Variants in CTNNA1 observed in about 807,000 individuals in gnomAD.
CTNNA1 encodes the protein catenin alpha 1.
In CTNNA1, 37 loss-of-function variants were observed where a neutral mutation model predicts 98.4. The ratio of observed to expected loss-of-function variants is 0.38; its 90% CI spans 0.29 to 0.49. The LOEUF is 0.49. Among genes scored for constraint, CTNNA1 ranks in the 20% least tolerant of loss-of-function variants. The pLI is 0.95. For synonymous variants in CTNNA1, 404 were observed against 413.2 expected (o/e 0.98, Z 0.27); for missense variants, 761 against 1,147.2 (o/e 0.66, Z 4.86).
chr5:138,918,872 C>CT (rs1762344671), intron 11 of CTNNA1, among the ~76,000 whole-genome samples: 1 of 152,144 alleles, frequency 6.6e-6, no homozygotes, highest in African/African-American at 2.4e-5. Context: ...TAGAACGTGG[C>CT]AGTAGGGCTT....
intron 3 of CTNNA1, among the ~76,000 whole-genome samples, chr5:138,794,995 C>G (rs146426797): frequency 1.8e-3 from 266 of 148,900 alleles, no homozygotes; most frequent in African/African-American, 6.4e-3. Context: ...ACTGAAAATA[C>G]AAAAATTAGC....
chr5:138,870,855 G>A (rs971430324), intron 7 of CTNNA1: 24 of 152,196 alleles, frequency 1.6e-4, no homozygotes, highest in Admixed American at 4.6e-4. Flanking sequence ...GAAGTAGGGC[G>A]CTGTGCTCTA....
At chr5:138,856,845 A>G (rs543758312) in intron 7 of CTNNA1, among the ~76,000 whole-genome samples, 25 of 152,258 alleles carry the variant, frequency 1.6e-4, no homozygotes, top group Admixed American at 3.9e-4. Context: ...TTGAGATTTG[A>G]AAAGAAAGTT....
intron 7 of CTNNA1, among the ~76,000 whole-genome samples, chr5:138,882,115 A>G (rs189226260): frequency 2.9e-3 from 438 of 152,352 alleles, no homozygotes; most frequent in African/African-American, 0.01. Flanking sequence ...ACAAGTCAAC[A>G]GGTAGTTATC....
chr5:138,839,555 A>C (rs1762096241), intron 7 of CTNNA1, among the ~76,000 whole-genome samples: 1 of 152,102 alleles, frequency 6.6e-6, no homozygotes, highest in African/African-American at 2.4e-5. Flanking sequence ...TAGTTGGTTG[A>C]TGGCATTGTT....
rs779732337 is a variant in CTNNA1, at chr5:138,873,225, T to G, written c.1063-12987T>G. 1.2e-6 allele frequency: 2 copies of G among 1,613,906 alleles called. No individual in the cohort carries two copies. Among genetic ancestry groups the G allele is most frequent in the Non-Finnish European group, 1.7e-6 (2 of 1,179,830 alleles). Reference sequence around the variant, plus strand: ...CTTCTTAAAGTGGGAGGGCAGCACTTCCTGGAGATGAACACTATAAAAATA... The same window carrying G: ...CTTCTTAAAGTGGGAGGGCAGCACTGCCTGGAGATGAACACTATAAAAATA... On this transcript the variant is annotated intron_variant, in intron 7 of 17. Transcript: ENST00000302763. The surrounding 1 kb of genome is among the most constrained non-coding windows in gnomAD (Gnocchi z 6.1).
At chr5:138,848,992 G>T (rs1174902873) in intron 7 of CTNNA1, among the ~76,000 whole-genome samples, 1 of 152,106 alleles carries the variant, frequency 6.6e-6, no homozygotes, top group African/African-American at 2.4e-5. Flanking sequence ...AAATTGCTGG[G>T]ATTACAGGCG....
chr5:138,875,314 T>C, intron 7 of CTNNA1: 2 of 877,106 alleles, frequency 2.3e-6, no homozygotes, highest in Non-Finnish European at 1.4e-6. Flanking sequence ...TGAAAAGCTT[T>C]TCCGAGAAAC....
chr5:138,794,670 T>G (rs950616397), intron 3 of CTNNA1, among the ~76,000 whole-genome samples: 1 of 152,214 alleles, frequency 6.6e-6, no homozygotes, highest in Non-Finnish European at 1.5e-5. Context: ...TATTGACAAG[T>G]GTGGAAAACA....
chr5:138,834,750 G>A (rs2149801684), intron 7 of CTNNA1, among the ~76,000 whole-genome samples: 1 of 152,218 alleles, frequency 6.6e-6, no homozygotes, highest in South Asian at 2.1e-4. Context: ...ATAGATCCAG[G>A]TCTGGGATAG....
intron 7 of CTNNA1, among the ~76,000 whole-genome samples, chr5:138,865,918 C>G (rs1318430408): frequency 6.6e-6 from 1 of 152,138 alleles, no homozygotes; most frequent in Admixed American, 6.6e-5. Flanking sequence ...AGCAGTTGCC[C>G]TCCATGTATT....
intron 3 of CTNNA1, among the ~76,000 whole-genome samples, chr5:138,790,166 A>G (rs1756196492): frequency 6.6e-6 from 1 of 152,220 alleles, no homozygotes; most frequent in South Asian, 2.1e-4. Context: ...GACTGCTATA[A>G]CAGAATTGAT....
intron 3 of CTNNA1, among the ~76,000 whole-genome samples, chr5:138,791,719 A>G (rs1182192815): frequency 6.7e-6 from 1 of 148,246 alleles, no homozygotes; most frequent in East Asian, 2.0e-4. Flanking sequence ...TGAGTTTGCA[A>G]GCATCTGGGT....
At chr5:138,895,050 C>T (rs1395543220) in intron 9 of CTNNA1, among the ~76,000 whole-genome samples, 3 of 152,120 alleles carry the variant, frequency 2.0e-5, no homozygotes, top group Non-Finnish European at 4.4e-5. Context: ...TCTTATTTGT[C>T]TGGCCCCCAC....
At chr5:138,784,170 C>G (rs566935256) in intron 3 of CTNNA1, among the ~76,000 whole-genome samples, 1 of 152,318 alleles carries the variant, frequency 6.6e-6, no homozygotes, top group African/African-American at 2.4e-5. Flanking sequence ...TGCCAGAGTG[C>G]TGGGATTGCA....
intron 4 of CTNNA1, chr5:138,811,888 C>G: frequency 3.7e-6 from 1 of 268,646 alleles, no homozygotes; most frequent in Non-Finnish European, 7.2e-6. Flanking sequence ...AGCTTCAGCT[C>G]GGCATCAGAG....
intron 16 of CTNNA1, chr5:138,931,766 C>T (rs1253100198): frequency 6.6e-5 from 65 of 985,448 alleles, no homozygotes; most frequent in Non-Finnish European, 7.7e-5. Flanking sequence ...TGGCTCTGCC[C>T]TGCTTCCATG....
In CTNNA1 at chr5:138,816,197, A is replaced by T. The variant is rs185417894; in HGVS notation, c.588+3895A>T. ...ACCATAGTGTTTTCTGAGGTCATCC[A>T]TGTTTCCATGAATGACAGAATTTTG... On this transcript the variant is annotated intron_variant, in intron 5 of 17. Coordinates refer to ENST00000302763, the MANE Select transcript of CTNNA1 (RefSeq NM_001903.5). 1.1e-4 allele frequency among the ~76,000 whole-genome samples: 16 copies of T among 152,316 alleles called. 1 individual carries two copies. The East Asian group carries it at 2.3e-3, about 22-fold the overall frequency.
At chr5:138,894,199 G>A (rs1212595164) in intron 9 of CTNNA1, among the ~76,000 whole-genome samples, 1 of 151,924 alleles carries the variant, frequency 6.6e-6, no homozygotes, top group Non-Finnish European at 1.5e-5. Context: ...GATTACAGGT[G>A]TGAGCCACCA....
Sources: allele counts gnomAD v4.1 joint callset (sites outside exome capture counted in the v4.1 genomes callset), GRCh38; gene constraint gnomAD v4.1.1; non-coding constraint Gnocchi (gnomAD v3.1); transcripts MANE v1.5; gene names NCBI Gene and HGNC (gene_info 2026-07-23, HGNC 2026-07-21).